Variants in NBEA observed in about 807,000 individuals in gnomAD.
The protein encoded by NBEA is neurobeachin, also known as lysosomal-trafficking regulator 2.
In NBEA, 44 loss-of-function variants were observed where a neutral mutation model predicts 343.4. That is an observed-to-expected ratio of 0.13 (90% CI 0.10 to 0.16). NBEA has a LOEUF of 0.16. Among genes scored for constraint, NBEA ranks in the 10% least tolerant of loss-of-function variants. The pLI, the probability that NBEA is intolerant of heterozygous loss-of-function variation, is 1.00. For synonymous variants in NBEA, 1,175 were observed against 1,238.7 expected (o/e 0.95, Z 1.08); for missense variants, 2,555 against 3,631.3 (o/e 0.70, Z 7.62).
chr13:35,227,468 A>G lies in NBEA; in HGVS notation c.5649-5024A>G, dbSNP rs200796301. Among the ~76,000 whole-genome samples, 4 of 152,204 alleles carry G rather than the reference A, an allele frequency of 2.6e-5. No homozygotes were observed. The East Asian group carries it at 7.7e-4, about 29-fold the overall frequency. Reference sequence around the variant, plus strand: ...CCAATCAGTTCACTTACCGATGCCTACATTTCCTCATTTACATAGGAGCAT... The same window carrying G: ...CCAATCAGTTCACTTACCGATGCCTGCATTTCCTCATTTACATAGGAGCAT... On this transcript the variant is annotated intron_variant, in intron 33 of 58. Coordinates refer to ENST00000379939, the MANE Select transcript of NBEA (RefSeq NM_001385012.1).
intron 52 of NBEA, 138 bp from the exon 53 acceptor site, chr13:35,651,667 C>T: frequency 1.5e-6 from 1 of 648,770 alleles, no homozygotes; most frequent in Non-Finnish European, 2.8e-6. Flanking sequence ...TACAGAGACA[C>T]ATAGTATCAG....
chr13:35,453,831 C>T (rs2046423430), intron 40 of NBEA, among the ~76,000 whole-genome samples: 1 of 152,060 alleles, frequency 6.6e-6, no homozygotes, highest in South Asian at 2.1e-4. Context: ...TTAATGGTAG[C>T]TAATTATTAA....
intron 41 of NBEA, among the ~76,000 whole-genome samples, chr13:35,529,171 C>T (rs1235688494): frequency 6.6e-6 from 1 of 152,162 alleles, no homozygotes; most frequent in Non-Finnish European, 1.5e-5. Flanking sequence ...GACACAGGCT[C>T]AGACAGGTTA....
At chr13:35,139,255 T>C (rs931137260) in intron 17 of NBEA, among the ~76,000 whole-genome samples, 3 of 151,786 alleles carry the variant, frequency 2.0e-5, no homozygotes, top group Non-Finnish European at 2.9e-5. Context: ...TAGATGGGGT[T>C]TCACCATGTT....
intron 38 of NBEA, among the ~76,000 whole-genome samples, chr13:35,423,360 C>G (rs1472333462): frequency 6.6e-6 from 1 of 152,178 alleles, no homozygotes; most frequent in African/African-American, 2.4e-5. Flanking sequence ...TTTCAGCTTT[C>G]TACATATGGT....
intron 36 of NBEA, among the ~76,000 whole-genome samples, chr13:35,317,052 C>A (rs1362035020): frequency 1.3e-5 from 2 of 152,106 alleles, no homozygotes; most frequent in Non-Finnish European, 2.9e-5. Flanking sequence ...TTCTCCCATG[C>A]TGTAGGTTGC....
chr13:35,530,960 T>C (rs373603195), intron 41 of NBEA, among the ~76,000 whole-genome samples: 36 of 152,326 alleles, frequency 2.4e-4, no homozygotes, highest in African/African-American at 7.9e-4. Flanking sequence ...CTGCCTGTGT[T>C]CATAGGCTTC....
At position 35,649,620 on chromosome 13, in the gene NBEA, G is replaced by T. The variant is rs868450729; in HGVS notation, c.7771-35G>T. On this transcript the variant is annotated intron_variant, in intron 51 of 58. Coordinates refer to ENST00000379939, the MANE Select transcript of NBEA (RefSeq NM_001385012.1). ...TTTCACTAACTATGTTATTCCTTTT[G>T]TCTTCCTCTGTTCTCTTCCCTTTCT... is the stretch of plus-strand genomic sequence containing the variant. The T allele has an allele frequency of 3.2e-6, 5 of 1,545,286 alleles. No homozygotes were observed. In the South Asian group the frequency reaches 4.5e-5, roughly 14 times the overall value.
At chr13:35,570,562 T>C (rs927128787) in intron 45 of NBEA, among the ~76,000 whole-genome samples, 3 of 152,234 alleles carry the variant, frequency 2.0e-5, no homozygotes, top group Admixed American at 2.0e-4. Context: ...AAAAGATAGG[T>C]AGCTTTTCTT....
chr13:35,367,332 T>A (rs2183211), intron 38 of NBEA, among the ~76,000 whole-genome samples: 230 of 151,256 alleles, frequency 1.5e-3, no homozygotes, highest in African/African-American at 5.2e-3. Context: ...TAATTTAATC[T>A]TAGACCATTA....
At chr13:35,593,299 C>T (rs769529436) in intron 46 of NBEA, 29 bp from the exon 47 acceptor site, 1 of 1,609,880 alleles carries the variant, frequency 6.2e-7, no homozygotes, top group Non-Finnish European at 8.5e-7. Context: ...TTAGAGTGGT[C>T]AAATTTCTGA....
intron 41 of NBEA, among the ~76,000 whole-genome samples, chr13:35,514,412 G>A (rs1037792324): frequency 6.6e-6 from 1 of 152,018 alleles, no homozygotes; most frequent in Non-Finnish European, 1.5e-5. Context: ...ATTACTGCAC[G>A]CCGACCAGCT....
chr13:35,007,448 T>C (rs185935015), intron 1 of NBEA, among the ~76,000 whole-genome samples: 42 of 152,332 alleles, frequency 2.8e-4, no homozygotes, highest in Non-Finnish European at 6.2e-4. Context: ...GTATGTTTTA[T>C]ACTCTTCTAT....
chr13:34,996,114 A>C (rs1018303430), intron 1 of NBEA, among the ~76,000 whole-genome samples: 30 of 152,180 alleles, frequency 2.0e-4, no homozygotes, highest in African/African-American at 6.8e-4. Flanking sequence ...GTCCATTCCT[A>C]ATCTAGTAGA....
intron 1 of NBEA, among the ~76,000 whole-genome samples, chr13:34,984,392 C>T (rs895072711): frequency 1.3e-5 from 2 of 152,134 alleles, no homozygotes; most frequent in Non-Finnish European, 2.9e-5. Context: ...CTGATCTGTT[C>T]CATTGTTCTA....
intron 38 of NBEA, among the ~76,000 whole-genome samples, chr13:35,354,381 T>C (rs1030824586): frequency 6.6e-6 from 1 of 152,174 alleles, no homozygotes; most frequent in Admixed American, 6.5e-5. Flanking sequence ...TATAAAGCAG[T>C]ACATGGTTTG....
chr13:35,043,358 C>T (rs879809641), intron 2 of NBEA, among the ~76,000 whole-genome samples: 2 of 151,670 alleles, frequency 1.3e-5, no homozygotes, highest in African/African-American at 4.8e-5. Context: ...AAAATTTAAA[C>T]GTTGCAAATA....
intron 10 of NBEA, among the ~76,000 whole-genome samples, chr13:35,083,506 A>G (rs984274402): frequency 1.3e-5 from 2 of 152,230 alleles, no homozygotes; most frequent in East Asian, 3.9e-4. Flanking sequence ...ATCCAGCCAA[A>G]CTAAGCTTCA....
At chr13:35,361,790 G>T (rs1322310820) in intron 38 of NBEA, among the ~76,000 whole-genome samples, 20 of 152,006 alleles carry the variant, frequency 1.3e-4, no homozygotes, top group Admixed American at 1.3e-3. Flanking sequence ...ACTTAACAAT[G>T]AGAAACAAAT....
Sources: allele counts gnomAD v4.1 joint callset (sites outside exome capture counted in the v4.1 genomes callset), GRCh38; gene constraint gnomAD v4.1.1; transcripts MANE v1.5; gene names NCBI Gene and HGNC (gene_info 2026-07-23, HGNC 2026-07-21).